The following ASTN2 variants were observed in gnomAD, a reference collection of about 807,000 sequenced individuals.
ASTN2 encodes the protein astrotactin 2.
A neutral mutation model predicts 139.8 loss-of-function variants in ASTN2; 54 were observed. The ratio of observed to expected loss-of-function variants is 0.39; its 90% confidence interval spans 0.31 to 0.48. The LOEUF (loss-of-function observed/expected upper bound fraction) is 0.48, where lower values mean the gene tolerates loss of function less well. Ranked by LOEUF, ASTN2 falls within the 20% of genes least tolerant of loss-of-function variation. The pLI is 0.95. For missense variants in ASTN2, 1,565 were observed against 1,725.1 expected, an observed-to-expected ratio of 0.91 and a Z score of 1.64; for synonymous variants, 756 against 719.5, an observed-to-expected ratio of 1.05 and a Z score of -0.81.
chr9:117,039,862 A>T lies in ASTN2; in HGVS notation c.1380T>A (p.Thr460=). 1 of 1,613,796 alleles carries T rather than the reference A, an allele frequency of 6.2e-7. No homozygotes were observed. The highest frequency in any genetic ancestry group is 8.5e-7 in the Non-Finnish European group (1 of 1,179,846). Residue 460 remains threonine (T), a synonymous_variant, in exon 6 of 23, where the codon ACT becomes ACA. Coordinates refer to ENST00000313400, the MANE Select transcript of ASTN2 (RefSeq NM_001365068.1). ...VCGSQMSCPL[T]VKVTLHVPEH... ...CGGGCACATGCAGAGTCACCTTCAC[A>T]GTGAGTGGACAAGACATCTGGCTGC...
intron 10 of ASTN2, among the ~76,000 whole-genome samples, chr9:116,948,299 C>T (rs560301245): frequency 3.3e-4 from 50 of 152,220 alleles, no homozygotes; most frequent in African/African-American, 1.1e-3. Flanking sequence ...TAAATGTATT[C>T]ATTTATTAGT....
chr9:117,229,696 C>T (rs891576859), intron 2 of ASTN2, among the ~76,000 whole-genome samples: 3 of 152,152 alleles, frequency 2.0e-5, no homozygotes, highest in Non-Finnish European at 4.4e-5. Flanking sequence ...GTCTCCAACC[C>T]ATATCGGTGA....
In ASTN2 at chr9:117,385,431, CAG is replaced by C. The variant is rs1475913998; in HGVS notation, c.442+29064_442+29065del. 2.6e-5 allele frequency among the ~76,000 whole-genome samples: 4 copies of C among 151,938 alleles called. No individual in the cohort carries two copies. In the East Asian group the frequency reaches 5.8e-4, roughly 22 times the overall value. On this transcript the variant is annotated intron_variant, in intron 1 of 22. Transcript: ENST00000313400. Reference sequence around the variant, plus strand: ...ATAATCATTGAATATGGATTTTAGACAGAGAGAGATCTGTGAGAACAAGGGGA... The same window carrying C: ...ATAATCATTGAATATGGATTTTAGACAGAGAGATCTGTGAGAACAAGGGGA...
At chr9:116,512,690 A>G (rs1198065841) in intron 19 of ASTN2, among the ~76,000 whole-genome samples, 2 of 152,134 alleles carry the variant, frequency 1.3e-5, no homozygotes, top group Non-Finnish European at 2.9e-5. Flanking sequence ...GTGCTCCTAT[A>G]TTGGGTGCAT....
intron 6 of ASTN2, among the ~76,000 whole-genome samples, chr9:117,021,131 C>T (rs1588487781): frequency 6.6e-6 from 1 of 152,076 alleles, no homozygotes; most frequent in African/African-American, 2.4e-5. Flanking sequence ...TGGTCTTGAA[C>T]ACCTGAACTC....
chr9:116,812,095 A>G (rs1380184898), intron 12 of ASTN2, among the ~76,000 whole-genome samples: 1 of 152,128 alleles, frequency 6.6e-6, no homozygotes, highest in Non-Finnish European at 1.5e-5. Flanking sequence ...GTGTACATAC[A>G]CACGTATTTG....
chr9:116,974,506 CTT>C (rs3038410), intron 10 of ASTN2, among the ~76,000 whole-genome samples: 9 of 110,904 alleles, frequency 8.1e-5, no homozygotes, highest in Admixed American at 2.0e-4. Context: ...TTAGCCTGGA[CTT>C]TTTTTTTTTT....
At chr9:116,452,032 T>C (rs531496528) in intron 20 of ASTN2, among the ~76,000 whole-genome samples, 3 of 152,324 alleles carry the variant, frequency 2.0e-5, no homozygotes, top group South Asian at 2.1e-4. Context: ...GACTAAATGA[T>C]AACACATAAT....
In ASTN2 at chr9:117,225,535, G is replaced by GTGTATATA. The variant is rs372269409; in HGVS notation, c.631-10794_631-10793insTATATACA. Among the ~76,000 whole-genome samples, 9 of 63,962 alleles carry GTGTATATA rather than the reference G, an allele frequency of 1.4e-4. No individual in the cohort carries two copies. The South Asian group carries it at 6.1e-3, about 43-fold the overall frequency. The allele number at this position is 63,962 out of a possible 152,430, so 42.0% of individuals were successfully genotyped here. On this transcript the variant is annotated intron_variant, in intron 2 of 22. Transcript: ENST00000313400. The stretch of plus-strand genomic sequence containing the variant: ...CAAGACCAGCCTGGCCAAGCTGTAT[G>GTGTATATA]TATATATATATATATATATATATAT...
chr9:116,692,475 T>C (rs959622645), intron 16 of ASTN2, among the ~76,000 whole-genome samples: 3 of 152,236 alleles, frequency 2.0e-5, no homozygotes, highest in African/African-American at 4.8e-5. Flanking sequence ...TTTACACACA[T>C]AATCTCATTT....
intron 3 of ASTN2, among the ~76,000 whole-genome samples, chr9:117,160,485 T>C (rs1282374821): frequency 2.0e-5 from 3 of 151,692 alleles, no homozygotes; most frequent in African/African-American, 7.3e-5. Context: ...AGGGTGACTA[T>C]GATGCCTATA....
chr9:116,757,788 G>C (rs556052937), intron 13 of ASTN2, among the ~76,000 whole-genome samples: 1 of 152,288 alleles, frequency 6.6e-6, no homozygotes, highest in African/African-American at 2.4e-5. Context: ...AAAGATGGCT[G>C]ATTGGCCCAG....
chr9:117,362,108 G>C (rs1465936749), intron 1 of ASTN2, among the ~76,000 whole-genome samples: 1 of 152,140 alleles, frequency 6.6e-6, no homozygotes, highest in Non-Finnish European at 1.5e-5. Context: ...CCAAGTGGCT[G>C]GTATTACAGG....
chr9:116,754,976 A>G (rs1208991250), intron 13 of ASTN2, among the ~76,000 whole-genome samples: 1 of 152,130 alleles, frequency 6.6e-6, no homozygotes, highest in Non-Finnish European at 1.5e-5. Context: ...ACACGGACTC[A>G]TCACTTACAG....
intron 1 of ASTN2, among the ~76,000 whole-genome samples, chr9:117,389,015 C>T (rs747670075): frequency 2.6e-5 from 4 of 152,130 alleles, no homozygotes; most frequent in African/African-American, 9.7e-5. Flanking sequence ...TTAACTAATC[C>T]TTACTGTGCT....
chr9:116,528,697 C>T (rs62574375), intron 19 of ASTN2, among the ~76,000 whole-genome samples: 1 of 152,084 alleles, frequency 6.6e-6, no homozygotes, highest in Non-Finnish European at 1.5e-5. Flanking sequence ...GCCTAGGAGG[C>T]AATAATGGTT....
At chr9:117,339,023 A>T (rs1402615080) in intron 1 of ASTN2, among the ~76,000 whole-genome samples, 3 of 151,852 alleles carry the variant, frequency 2.0e-5, no homozygotes, top group Non-Finnish European at 4.4e-5. Context: ...ATGATGGGGG[A>T]GCTGTAGACC....
At chr9:117,154,720 A>G (rs1048854072) in intron 3 of ASTN2, among the ~76,000 whole-genome samples, 11 of 152,106 alleles carry the variant, frequency 7.2e-5, no homozygotes, top group Non-Finnish European at 2.9e-5. Context: ...TTTTATTATT[A>G]TATACATCAA....
chr9:116,535,119 CCTT>C (rs1256718671), intron 19 of ASTN2, among the ~76,000 whole-genome samples: 2 of 152,170 alleles, frequency 1.3e-5, no homozygotes, highest in Admixed American at 6.5e-5. Flanking sequence ...TATGTAATGG[CCTT>C]CTTTGTCTCT....
Sources: gnomAD v4.1 joint callset for allele counts (sites outside exome capture counted in the v4.1 genomes callset) on GRCh38, gnomAD v4.1.1 for gene constraint, MANE v1.5 for transcripts, NCBI Gene and HGNC (gene_info 2026-07-23, HGNC 2026-07-21) for gene names.